Variants in JMJD1C observed in about 807,000 individuals in gnomAD.
JMJD1C encodes the protein jumonji domain containing 1C, also known as jumonji domain-containing protein 1C.
JMJD1C carries 31 observed loss-of-function variants against 245.3 expected under a neutral mutation model. The ratio of observed to expected loss-of-function variants is 0.13; its 90% CI spans 0.09 to 0.17. The LOEUF is 0.17. JMJD1C is among the 10% of genes least tolerant of loss of function. The pLI is 1.00. For missense variants in JMJD1C, 2,691 were observed against 3,000.2 expected, an observed-to-expected ratio of 0.90 and a Z score of 2.41; for synonymous variants, 1,057 against 1,017.4, an observed-to-expected ratio of 1.04 and a Z score of -0.74.
intron 3 of JMJD1C, among the ~76,000 whole-genome samples, chr10:63,239,827 G>A (rs559190491): frequency 1.1e-4 from 17 of 152,256 alleles, no homozygotes; most frequent in Non-Finnish European, 2.2e-4. Flanking sequence ...GAAGAAAAAC[G>A]AAATCAAGGT....
chr10:63,464,698 CAAA>C (rs34490360), intron 1 of JMJD1C, among the ~76,000 whole-genome samples: 1 of 143,314 alleles, frequency 7.0e-6, no homozygotes, highest in African/African-American at 2.6e-5. Flanking sequence ...TGTAAGAAAC[CAAA>C]AAAAAAAAAA....
At chr10:63,280,525 G>A (rs1041016388) in intron 2 of JMJD1C, among the ~76,000 whole-genome samples, 1 of 152,134 alleles carries the variant, frequency 6.6e-6, no homozygotes, top group Non-Finnish European at 1.5e-5. Flanking sequence ...ACTCCAGCCT[G>A]GGCGACAAGA....
intron 2 of JMJD1C, among the ~76,000 whole-genome samples, chr10:63,295,963 GT>G (rs1859346491): frequency 9.7e-5 from 1 of 10,266 alleles, no homozygotes; most frequent in Non-Finnish European, 2.1e-4. Flanking sequence ...ACGTATATGT[GT>G]GTGTGTGTGT....
At chr10:63,501,908 C>A (rs767003702) in intron 1 of JMJD1C, among the ~76,000 whole-genome samples, 44 of 152,098 alleles carry the variant, frequency 2.9e-4, no homozygotes, top group Admixed American at 1.8e-3. Context: ...AAAAAGAAGG[C>A]GAGAAGAAAG....
intron 1 of JMJD1C, among the ~76,000 whole-genome samples, chr10:63,508,630 T>C (rs1954790128): frequency 6.6e-6 from 1 of 152,228 alleles, no homozygotes; most frequent in Non-Finnish European, 1.5e-5. Context: ...TACTTCTATA[T>C]TTATTTAGTT....
intron 1 of JMJD1C, among the ~76,000 whole-genome samples, chr10:63,431,901 A>C (rs1041177221): frequency 4.6e-5 from 7 of 152,206 alleles, no homozygotes; most frequent in African/African-American, 1.4e-4. Flanking sequence ...AGTCCCAACT[A>C]ATCGGGAGGC....
intron 1 of JMJD1C, among the ~76,000 whole-genome samples, chr10:63,484,587 G>C (rs1425590212): frequency 6.6e-6 from 1 of 151,658 alleles, no homozygotes; most frequent in Non-Finnish European, 1.5e-5. Flanking sequence ...GAAAACATAA[G>C]ATCTTGATGA....
intron 5 of JMJD1C, among the ~76,000 whole-genome samples, chr10:63,216,007 TAGAA>T (rs915304461): frequency 1.3e-5 from 2 of 152,308 alleles, no homozygotes; most frequent in Middle Eastern, 3.4e-3. Flanking sequence ...TATTTTTAAA[TAGAA>T]AGTAATTTTC....
chr10:63,256,089 G>A (rs1179292533), intron 3 of JMJD1C, among the ~76,000 whole-genome samples: 1 of 152,124 alleles, frequency 6.6e-6, no homozygotes, highest in African/African-American at 2.4e-5. Flanking sequence ...AAAGGAGACT[G>A]GCAGATTTTT....
At chr10:63,300,810 C>T (rs533020102) in intron 2 of JMJD1C, among the ~76,000 whole-genome samples, 7 of 151,380 alleles carry the variant, frequency 4.6e-5, no homozygotes, top group East Asian at 1.9e-4. Context: ...AAGAATCACT[C>T]GAACCCGGGA....
rs535381818 is a variant in JMJD1C at position 63,465,944 on chromosome 10, G to A, written c.-282C>T. The A allele has an allele frequency of 1.5e-4, 83 of 544,710 alleles. No homozygotes were observed. Among genetic ancestry groups the A allele is most frequent in the African/African-American group, 1.5e-3 (78 of 52,772 alleles). 33.7% of individuals were successfully genotyped at this position (544,710 alleles called of 1,614,324 possible). A position where few individuals can be genotyped will look rare whatever the true frequency, so the allele number is the denominator to read the frequency against. ...CGCGGCCGTCGAAGACCCCGAGGCA[G>A]CCCAGCCGCCGCCACCGCGCCGCGG... On this transcript the variant is annotated 5_prime_UTR_variant, in exon 1 of 26. Coordinates refer to ENST00000399262, the MANE Select transcript of JMJD1C (RefSeq NM_032776.3).
intron 2 of JMJD1C, among the ~76,000 whole-genome samples, chr10:63,357,754 T>C (rs554450224): frequency 1.1e-3 from 170 of 152,152 alleles, no homozygotes; most frequent in African/African-American, 3.8e-3. Context: ...AATATATTTA[T>C]TGAATGAATG....
At chr10:63,439,254 C>G (rs937473735) in intron 1 of JMJD1C, among the ~76,000 whole-genome samples, 1 of 152,126 alleles carries the variant, frequency 6.6e-6, no homozygotes, top group Non-Finnish European at 1.5e-5. Flanking sequence ...ACCTCAGTAG[C>G]TTTCTTCTCT....
intron 10 of JMJD1C, chr10:63,204,460 C>G: frequency 1.0e-6 from 1 of 985,302 alleles, no homozygotes; most frequent in South Asian, 4.7e-5. Flanking sequence ...CAAGAGTTTT[C>G]TAGGCATTAA....
chr10:63,178,507 G>C (rs963556932), intron 22 of JMJD1C, among the ~76,000 whole-genome samples: 1 of 152,012 alleles, frequency 6.6e-6, no homozygotes, highest in African/African-American at 2.4e-5. Context: ...TTTATTAGTT[G>C]GCCCCTATAC....
chr10:63,228,219 C>A (rs543493775), intron 3 of JMJD1C, among the ~76,000 whole-genome samples: 2 of 145,728 alleles, frequency 1.4e-5, no homozygotes, highest in African/African-American at 4.9e-5. Flanking sequence ...TAAAAAAATA[C>A]CATAAAAATA....
At chr10:63,297,714 T>TG (rs1261953587) in intron 2 of JMJD1C, among the ~76,000 whole-genome samples, 2 of 151,778 alleles carry the variant, frequency 1.3e-5, no homozygotes, top group Non-Finnish European at 2.9e-5. Context: ...CCCCATGGGA[T>TG]GGGAAAAAGC....
chr10:63,392,492 T>C (rs1948131322), intron 1 of JMJD1C, among the ~76,000 whole-genome samples: 1 of 151,884 alleles, frequency 6.6e-6, no homozygotes. Context: ...TAATTCAGAA[T>C]ATATGAGAAA....
At chr10:63,263,953 TACACATACAC>T (rs1213856745) in intron 3 of JMJD1C, among the ~76,000 whole-genome samples, 2 of 33,960 alleles carry the variant, frequency 5.9e-5, no homozygotes, top group East Asian at 7.7e-4. Context: ...AAAAAAAAAA[TACACATACAC>T]ACACACACAC....
Sources: gnomAD v4.1 joint callset for allele counts (sites outside exome capture counted in the v4.1 genomes callset) on GRCh38, gnomAD v4.1.1 for gene constraint, MANE v1.5 for transcripts, NCBI Gene and HGNC (gene_info 2026-07-23, HGNC 2026-07-21) for gene names.